Variants in YPEL2 observed in about 807,000 individuals in gnomAD.
The protein encoded by YPEL2 is yippee like 2.
A neutral mutation model predicts 19.1 loss-of-function variants in YPEL2; 2 were observed. That is an observed-to-expected ratio of 0.10 (90% CI 0.04 to 0.33). The LOEUF is 0.33. YPEL2 is among the 10% of genes least tolerant of loss of function. YPEL2 has a pLI of 1.00. For synonymous variants in YPEL2, 52 were observed against 50.0 expected, an observed-to-expected ratio of 1.04 and a Z score of -0.17; for missense variants, 66 against 140.7, an observed-to-expected ratio of 0.47 and a Z score of 2.68.
At chr17:59,335,674 A>G (rs2047695164) in intron 1 of YPEL2, among the ~76,000 whole-genome samples, 1 of 151,724 alleles carries the variant, frequency 6.6e-6, no homozygotes, top group Non-Finnish European at 1.5e-5. Context: ...TCAGCCTCCC[A>G]AGTAGCTGGG....
intron 1 of YPEL2, among the ~76,000 whole-genome samples, chr17:59,344,889 T>A (rs2047748426): frequency 6.6e-6 from 1 of 152,220 alleles, no homozygotes; most frequent in Non-Finnish European, 1.5e-5. Flanking sequence ...TCCATCCCTC[T>A]AGAGCAGTGG....
intron 1 of YPEL2, among the ~76,000 whole-genome samples, chr17:59,345,861 C>T (rs1311452946): frequency 1.3e-5 from 2 of 152,286 alleles, no homozygotes; most frequent in East Asian, 3.9e-4. Context: ...ATCCTTCTGT[C>T]TCCTGCAGGA....
intron 4 of YPEL2, among the ~76,000 whole-genome samples, chr17:59,390,978 G>A (rs752518696): frequency 2.1e-4 from 32 of 152,196 alleles, no homozygotes; most frequent in Admixed American, 3.3e-4. Context: ...CTTGCATAGA[G>A]CATATGTCAG....
At chr17:59,334,523 T>C (rs2047689366) in intron 1 of YPEL2, among the ~76,000 whole-genome samples, 1 of 151,598 alleles carries the variant, frequency 6.6e-6, no homozygotes, top group Non-Finnish European at 1.5e-5. Flanking sequence ...TGCAGGCGAA[T>C]CTTGTTAGGC....
intron 2 of YPEL2, among the ~76,000 whole-genome samples, chr17:59,370,856 A>T (rs1386275683): frequency 6.9e-6 from 1 of 145,868 alleles, no homozygotes; most frequent in East Asian, 2.5e-4. Flanking sequence ...GAGGAACTCA[A>T]GAGTCAGCAG....
chr17:59,382,157 C>A (rs970335963), intron 2 of YPEL2, among the ~76,000 whole-genome samples: 2 of 152,232 alleles, frequency 1.3e-5, no homozygotes, highest in African/African-American at 4.8e-5. Flanking sequence ...CACAGCTGAT[C>A]CCGAGTGCCA....
chr17:59,363,556 A>G (rs902804751), intron 2 of YPEL2, among the ~76,000 whole-genome samples: 1 of 151,678 alleles, frequency 6.6e-6, no homozygotes, highest in African/African-American at 2.4e-5. Context: ...CAAGTGATCC[A>G]CCTGCCTCAG....
intron 1 of YPEL2, among the ~76,000 whole-genome samples, chr17:59,347,154 T>A (rs1419559805): frequency 6.6e-6 from 1 of 152,240 alleles, no homozygotes; most frequent in Non-Finnish European, 1.5e-5. Context: ...ACTTAGTTCA[T>A]CCTCATATGA....
intron 1 of YPEL2, among the ~76,000 whole-genome samples, chr17:59,342,277 C>T (rs1598025898): frequency 6.6e-6 from 1 of 152,176 alleles, no homozygotes; most frequent in Admixed American, 6.5e-5. Context: ...TGCCCAAAGT[C>T]TACAACACAT....
chr17:59,352,559 T>A (rs2047792778), intron 1 of YPEL2, among the ~76,000 whole-genome samples: 1 of 152,174 alleles, frequency 6.6e-6, no homozygotes, highest in Non-Finnish European at 1.5e-5. Context: ...TCATTTGGTT[T>A]AAAAAAATGT....
chr17:59,389,927 C>G (rs1399007939), intron 4 of YPEL2, among the ~76,000 whole-genome samples: 1 of 152,248 alleles, frequency 6.6e-6, no homozygotes, highest in East Asian at 1.9e-4. Flanking sequence ...ATTTTTCATT[C>G]TCAAAGGACG....
chr17:59,396,946 G>A (rs1422890316), intron 4 of YPEL2, among the ~76,000 whole-genome samples, 155 bp from the exon 5 acceptor site: 1 of 152,060 alleles, frequency 6.6e-6, no homozygotes, highest in African/African-American at 2.4e-5. Flanking sequence ...CAGGAGAATC[G>A]CTCGAACCTG....
intron 2 of YPEL2, among the ~76,000 whole-genome samples, chr17:59,364,705 C>T (rs1319011137): frequency 6.6e-6 from 1 of 151,390 alleles, no homozygotes; most frequent in African/African-American, 2.4e-5. Context: ...GCAACCTCCA[C>T]CTCCCGAGTT....
chr17:59,356,131 T>G (rs1711536333), intron 2 of YPEL2: 1 of 152,264 alleles, frequency 6.6e-6, no homozygotes, highest in South Asian at 2.1e-4. Flanking sequence ...AAGGAGAGAA[T>G]GTCTCTCCTG....
intron 1 of YPEL2, among the ~76,000 whole-genome samples, chr17:59,332,608 C>T (rs1241038103): frequency 6.6e-6 from 1 of 151,942 alleles, no homozygotes; most frequent in African/African-American, 2.4e-5. Context: ...GGCTTTTCTC[C>T]GGTCTTGGGG....
At position 59,398,463 on chromosome 17, in the gene YPEL2, C is replaced by CTCCT. The variant is rs2048052780; in HGVS notation, c.*1274_*1277dup. ...CTGAATGTCTTGCATGGAGAGAAAT[C>CTCCT]TCCTGTCAGTGTGGTCCAGCAGCAG... On this transcript the variant is annotated 3_prime_UTR_variant, in exon 5 of 5. Coordinates refer to ENST00000312655, the MANE Select transcript of YPEL2 (RefSeq NM_001005404.4). The CTCCT allele has an allele frequency of 6.6e-6, 1 of 152,096 alleles. No homozygotes were observed. Among genetic ancestry groups the CTCCT allele is most frequent in the South Asian group, 2.1e-4 (1 of 4,826 alleles). The allele number at this position is 152,096 out of a possible 1,614,324, so 9.4% of individuals were successfully genotyped here. A position where few individuals can be genotyped will look rare whatever the true frequency, so the allele number is the denominator to read the frequency against.
At chr17:59,372,838 G>T (rs1276631718) in intron 2 of YPEL2, among the ~76,000 whole-genome samples, 1 of 152,182 alleles carries the variant, frequency 6.6e-6, no homozygotes, top group Non-Finnish European at 1.5e-5. Flanking sequence ...ACAATGCCCC[G>T]AGGCAGTATC....
chr17:59,343,435 C>T (rs1292601423), intron 1 of YPEL2, among the ~76,000 whole-genome samples: 5 of 152,112 alleles, frequency 3.3e-5, no homozygotes, highest in Non-Finnish European at 7.3e-5. Context: ...GATAGAGACT[C>T]ATGAACAGTG....
chr17:59,383,201 A>T (rs918627866), intron 2 of YPEL2, among the ~76,000 whole-genome samples: 1 of 152,080 alleles, frequency 6.6e-6, no homozygotes, highest in African/African-American at 2.4e-5. Flanking sequence ...TTATATTTAC[A>T]TACAGTAAAA....
Sources: allele counts gnomAD v4.1 joint callset (sites outside exome capture counted in the v4.1 genomes callset), GRCh38; gene constraint gnomAD v4.1.1; transcripts MANE v1.5; gene names NCBI Gene and HGNC (gene_info 2026-07-23, HGNC 2026-07-21).